The following GAB1 variants were observed in gnomAD, a reference collection of about 807,000 sequenced individuals.
The protein encoded by GAB1 is GRB2 associated binding protein 1.
Under a neutral mutation model 66.5 loss-of-function variants are expected in GAB1, and 19 were observed. That is an observed-to-expected ratio of 0.29 (90% confidence interval 0.20 to 0.42). The LOEUF (loss-of-function observed/expected upper bound fraction) is 0.42, where lower values mean the gene tolerates loss of function less well. Among genes scored for constraint, GAB1 ranks in the 10% least tolerant of loss-of-function variants. GAB1 has a pLI of 1.00. For synonymous variants in GAB1, 294 were observed against 301.4 expected (o/e 0.98, Z 0.25); for missense variants, 732 against 858.5 (o/e 0.85, Z 1.84).
At chr4:143,372,030 T>C (rs573245858) in intron 1 of GAB1, among the ~76,000 whole-genome samples, 18 of 152,274 alleles carry the variant, frequency 1.2e-4, no homozygotes, top group African/African-American at 4.3e-4. Context: ...AATTTTACAT[T>C]ATGAAACATC....
At chr4:143,437,870 C>A in intron 3 of GAB1, 129 bp from the exon 4 acceptor site, 1 of 901,258 alleles carries the variant, frequency 1.1e-6, no homozygotes, top group East Asian at 2.6e-5. Flanking sequence ...TGCTTTAAAT[C>A]CTATGGATCA....
intron 1 of GAB1, among the ~76,000 whole-genome samples, chr4:143,397,964 G>A (rs901506060): frequency 2.0e-5 from 3 of 152,218 alleles, no homozygotes; most frequent in Non-Finnish European, 2.9e-5. Context: ...ATGAACAGAG[G>A]AAGATAGATG....
chr4:143,466,071 T>C, intron 8 of GAB1, 32 bp from the exon 9 acceptor site: 1 of 1,610,672 alleles, frequency 6.2e-7, no homozygotes, highest in Non-Finnish European at 8.5e-7. Context: ...GGTGAATGTC[T>C]GACCGTTGAT....
At chr4:143,390,530 C>T (rs1731138440) in intron 1 of GAB1, among the ~76,000 whole-genome samples, 1 of 151,790 alleles carries the variant, frequency 6.6e-6, no homozygotes. Context: ...TCTCAACCCT[C>T]CAAATCTTTG....
At chr4:143,417,473 T>C in intron 2 of GAB1, 1 of 410,040 alleles carries the variant, frequency 2.4e-6, no homozygotes, top group Non-Finnish European at 4.9e-6. Flanking sequence ...AGTGGCATGA[T>C]CTCTGCTCAC....
chr4:143,388,722 C>G (rs1731039040), intron 1 of GAB1, among the ~76,000 whole-genome samples: 1 of 151,924 alleles, frequency 6.6e-6, no homozygotes, highest in African/African-American at 2.4e-5. Context: ...GCCTAGAGTT[C>G]TAATAATTGT....
At chr4:143,417,969 A>C (rs1732786525) in intron 2 of GAB1, among the ~76,000 whole-genome samples, 1 of 152,372 alleles carries the variant, frequency 6.6e-6, no homozygotes, top group African/African-American at 2.4e-5. Context: ...ATCAACACCA[A>C]GATTCGGATT....
chr4:143,435,617 G>A (rs1733902286), intron 3 of GAB1, among the ~76,000 whole-genome samples: 1 of 152,128 alleles, frequency 6.6e-6, no homozygotes, highest in African/African-American at 2.4e-5. Flanking sequence ...CAGTTAAATA[G>A]CAAATATTTA....
At chr4:143,374,455 A>G (rs1730325966) in intron 1 of GAB1, among the ~76,000 whole-genome samples, 1 of 152,234 alleles carries the variant, frequency 6.6e-6, no homozygotes, top group South Asian at 2.1e-4. Context: ...TATTGTGGGA[A>G]TCTTATACTT....
intron 1 of GAB1, among the ~76,000 whole-genome samples, chr4:143,354,606 T>G (rs953097710): frequency 3.3e-5 from 5 of 152,180 alleles, no homozygotes; most frequent in Non-Finnish European, 5.9e-5. Flanking sequence ...AAAAAAAACT[T>G]AGTGTAGAAG....
chr4:143,420,482 G>A (rs1484131924), intron 2 of GAB1, among the ~76,000 whole-genome samples: 2 of 152,086 alleles, frequency 1.3e-5, no homozygotes, highest in African/African-American at 4.8e-5. Flanking sequence ...GAAAGTGCTG[G>A]CAGGCTATAT....
chr4:143,383,404 T>A (rs1730739119), intron 1 of GAB1, among the ~76,000 whole-genome samples: 1 of 152,240 alleles, frequency 6.6e-6, no homozygotes, highest in East Asian at 1.9e-4. Context: ...GAGGAAGCTG[T>A]GCCTTAAATG....
intron 6 of GAB1, among the ~76,000 whole-genome samples, chr4:143,458,971 G>A (rs891624203): frequency 6.6e-6 from 1 of 151,968 alleles, no homozygotes; most frequent in African/African-American, 2.4e-5. Flanking sequence ...CAATATTGAA[G>A]AAAAGGAATG....
chr4:143,435,307 CA>C (rs1733889707), intron 3 of GAB1, among the ~76,000 whole-genome samples: 1 of 152,122 alleles, frequency 6.6e-6, no homozygotes, highest in African/African-American at 2.4e-5. Context: ...TATAAATCAA[CA>C]TTTGTTAATA....
intron 1 of GAB1, among the ~76,000 whole-genome samples, chr4:143,399,387 G>C (rs1386523808): frequency 6.6e-6 from 1 of 152,230 alleles, no homozygotes; most frequent in African/African-American, 2.4e-5. Context: ...GGGTTTAATA[G>C]GAATTCACAA....
chr4:143,417,910 C>T (rs1386198378), intron 2 of GAB1, among the ~76,000 whole-genome samples: 2 of 152,186 alleles, frequency 1.3e-5, no homozygotes, highest in African/African-American at 4.8e-5. Flanking sequence ...CGAACATCTA[C>T]ATTTAGGAGT....
At chr4:143,347,175 T>C (rs112125196) in intron 1 of GAB1, among the ~76,000 whole-genome samples, 2 of 152,004 alleles carry the variant, frequency 1.3e-5, no homozygotes, top group African/African-American at 4.9e-5. Context: ...ATTTGTTCTC[T>C]TGTCTCAAAT....
intron 2 of GAB1, among the ~76,000 whole-genome samples, chr4:143,428,311 T>C (rs1733471851): frequency 6.6e-6 from 1 of 152,162 alleles, no homozygotes; most frequent in Non-Finnish European, 1.5e-5. Context: ...TTGTATGGAC[T>C]CTATATCATA....
chr4:143,422,823 A>G (rs1012758390), intron 2 of GAB1, among the ~76,000 whole-genome samples: 8 of 152,246 alleles, frequency 5.3e-5, no homozygotes, highest in African/African-American at 1.9e-4. Flanking sequence ...AGTTTGCTCC[A>G]GCAGCTTATT....
Sources: allele counts gnomAD v4.1 joint callset (sites outside exome capture counted in the v4.1 genomes callset), GRCh38; gene constraint gnomAD v4.1.1; transcripts MANE v1.5; gene names NCBI Gene and HGNC (gene_info 2026-07-23, HGNC 2026-07-21).